The following TSC22D2 variants were observed in gnomAD, a reference collection of about 807,000 sequenced individuals.
The protein encoded by TSC22D2 is TSC22 domain family protein 2.
TSC22D2 carries 5 observed loss-of-function variants against 50.1 expected under a neutral mutation model. That is an observed-to-expected ratio of 0.10 (90% CI 0.05 to 0.21). The LOEUF is 0.21. Among genes scored for constraint, TSC22D2 ranks in the 10% least tolerant of loss-of-function variants. The probability of loss-of-function intolerance (pLI) is 1.00; values close to 1 mark genes in which losing one functional copy is unlikely to be tolerated. For synonymous variants in TSC22D2, 501 were observed against 450.1 expected (o/e 1.11, Z -1.43); for missense variants, 1,003 against 1,015.5 (o/e 0.99, Z 0.17).
rs370562378 is a variant in TSC22D2, at chr3:150,430,021, G to A, written c.1958+18713G>A. Among the ~76,000 whole-genome samples, 7 of 152,264 alleles carry A rather than the reference G, an allele frequency of 4.6e-5. No homozygotes were observed. The East Asian group carries it at 1.2e-3, about 25-fold the overall frequency. On this transcript the variant is annotated intron_variant, in intron 1 of 2. Coordinates refer to ENST00000688009, the MANE Select transcript of TSC22D2 (RefSeq NM_001303264.2). Reference sequence around the variant, plus strand: ...ATACTAGAAGAAACAATAAGATTTAGTAACTGCTTTCAGTGAGCTTGGTCT... The same window carrying A: ...ATACTAGAAGAAACAATAAGATTTAATAACTGCTTTCAGTGAGCTTGGTCT...
At chr3:150,413,815 TTA>T in intron 1 of TSC22D2, among the ~76,000 whole-genome samples, 1 of 152,206 alleles carries the variant, frequency 6.6e-6, no homozygotes, top group Admixed American at 6.5e-5. Context: ...TAATTGTGAT[TTA>T]AACTTTGCAA....
chr3:150,458,667 T>G lies in TSC22D2; in HGVS notation c.*31T>G. Reference sequence around the variant, plus strand: ...TCTTAAGCCTCATTAAGAAAAAAACTGAAAGCAATCTATCCTTGTGTGCCA... The same window carrying G: ...TCTTAAGCCTCATTAAGAAAAAAACGGAAAGCAATCTATCCTTGTGTGCCA... On this transcript the variant is annotated 3_prime_UTR_variant, in exon 3 of 3. Coordinates refer to ENST00000688009, the MANE Select transcript of TSC22D2 (RefSeq NM_001303264.2). The G allele has an allele frequency of 6.2e-7, 1 of 1,608,958 alleles. No individual in the cohort carries two copies.
At chr3:150,458,294 C>T (rs1721258739) in intron 2 of TSC22D2, 82 bp from the exon 3 acceptor site, 3 of 1,422,512 alleles carry the variant, frequency 2.1e-6, no homozygotes, top group Admixed American at 2.2e-5. Flanking sequence ...AGTATAAAAA[C>T]TTAGCACCAA....
At chr3:150,434,703 A>C (rs1720480138) in intron 1 of TSC22D2, among the ~76,000 whole-genome samples, 1 of 152,174 alleles carries the variant, frequency 6.6e-6, no homozygotes, top group Non-Finnish European at 1.5e-5. Flanking sequence ...AAGGTGTATT[A>C]ATGAAATTCT....
At position 150,410,685 on chromosome 3, in the gene TSC22D2, A is replaced by C. The variant is rs1288711853; in HGVS notation, c.1335A>C (p.Gln445His). 6.4e-7 allele frequency: 1 copy of C among 1,563,908 alleles called. No individual in the cohort carries two copies. The highest frequency in any genetic ancestry group is 1.2e-5 in the South Asian group (1 of 86,040). Residue 445 changes from glutamine (Q) to histidine (H), a missense_variant, in exon 1 of 3, where the codon CAA becomes CAC. By Grantham distance (24) the Gln-to-His change is conservative (BLOSUM62 0). Coordinates refer to ENST00000688009, the MANE Select transcript of TSC22D2 (RefSeq NM_001303264.2). The part of the protein sequence containing the change: ...EAMAPRTGPA[Q>H]GGQVAPCQPT... ...TGGCCCCCCGGACGGGACCAGCGCA[A>C]GGCGGGCAGGTCGCGCCTTGTCAGC...
At chr3:150,413,208 T>G (rs1359257920) in intron 1 of TSC22D2, among the ~76,000 whole-genome samples, 3 of 152,210 alleles carry the variant, frequency 2.0e-5, no homozygotes, top group East Asian at 3.8e-4. Context: ...CTTACTGTAT[T>G]AAGAGTTGGT....
chr3:150,456,149 A>G (rs1721179092), intron 1 of TSC22D2, among the ~76,000 whole-genome samples: 1 of 151,186 alleles, frequency 6.6e-6, no homozygotes, highest in African/African-American at 2.4e-5. Flanking sequence ...AGTCAAATAC[A>G]TGTAGGTCTG....
At chr3:150,419,671 G>T (rs1719940938) in intron 1 of TSC22D2, among the ~76,000 whole-genome samples, 1 of 152,186 alleles carries the variant, frequency 6.6e-6, no homozygotes, top group Admixed American at 6.5e-5. Context: ...ATAGTGTCTT[G>T]CAAAAACAGG....
At chr3:150,440,658 T>A (rs1482108498) in intron 1 of TSC22D2, among the ~76,000 whole-genome samples, 1 of 74,822 alleles carries the variant, frequency 1.3e-5, no homozygotes, top group African/African-American at 8.6e-5. Context: ...CCATTTGCCT[T>A]TAGTTGCGAA....
Position 150,409,207 on chromosome 3 carries a change from A to C in TSC22D2, c.-144A>C. The stretch of plus-strand genomic sequence containing the variant: ...TCACCGGGCGGCCAGCGCCTGGATC[A>C]GCCCGTGACTCTTAACAGCGGCGGG... On this transcript the variant is annotated 5_prime_UTR_variant, in exon 1 of 3. Coordinates refer to ENST00000688009, the MANE Select transcript of TSC22D2 (RefSeq NM_001303264.2). This position sits in a 1 kb window ranked among gnomAD's most constrained non-coding sequence, Gnocchi z 7.4. 3.4e-6 allele frequency: 3 copies of C among 893,470 alleles called. No homozygotes were observed. The highest frequency in any genetic ancestry group is 3.2e-6 in the Non-Finnish European group (2 of 620,074). The allele number at this position is 893,470 out of a possible 1,614,324, so 55.3% of individuals were successfully genotyped here.
In TSC22D2 at chr3:150,409,617, C is replaced by T. The variant is rs140643262; in HGVS notation, c.267C>T (p.Leu89=). The T allele has an allele frequency of 5.8e-4, 937 of 1,609,600 alleles. 1 individual carries two copies. Among genetic ancestry groups the T allele is most frequent in the Middle Eastern group, 9.9e-4 (6 of 6,078 alleles). The change falls in exon 1 of 3, where the codon CTC becomes CTT. Residue 89 remains leucine, a synonymous_variant. Coordinates refer to ENST00000688009, the MANE Select transcript of TSC22D2 (RefSeq NM_001303264.2). The surrounding 1 kb of genome is among the most constrained non-coding windows in gnomAD (Gnocchi z 7.4). The part of the protein sequence containing the change: ...ETPGTVSPNL[L]LDGQLAAAAA... ...CCGGGACCGTCTCCCCAAACCTCCTCCTAGATGGGCAGCTGGCAGCGGCGG... is the reference window on the plus strand; with the variant it reads ...CCGGGACCGTCTCCCCAAACCTCCTTCTAGATGGGCAGCTGGCAGCGGCGG...
At position 150,464,082 on chromosome 3, in the gene TSC22D2, G is replaced by C. The variant is rs1169900805; in HGVS notation, c.*5446G>C. The stretch of plus-strand genomic sequence containing the variant: ...TAAAAACAACTGAATTTTAAAACAA[G>C]GCAAATGCCACAGTTCAACTTCTCC... On this transcript the variant is annotated 3_prime_UTR_variant, in exon 3 of 3. Coordinates refer to ENST00000688009, the MANE Select transcript of TSC22D2 (RefSeq NM_001303264.2). 6.6e-6 allele frequency: 1 copy of C among 152,050 alleles called. No individual in the cohort carries two copies. The highest frequency in any genetic ancestry group is 2.4e-5 in the African/African-American group (1 of 41,388). 9.4% of individuals were successfully genotyped at this position (152,050 alleles called of 1,614,324 possible). A position where few individuals can be genotyped will look rare whatever the true frequency, so the allele number is the denominator to read the frequency against.
intron 1 of TSC22D2, among the ~76,000 whole-genome samples, chr3:150,426,507 C>G (rs554613694): frequency 6.6e-6 from 1 of 152,238 alleles, no homozygotes; most frequent in South Asian, 2.1e-4. Flanking sequence ...TTACCCTCTT[C>G]TAAATACCAG....
intron 1 of TSC22D2, among the ~76,000 whole-genome samples, chr3:150,414,110 AC>A: frequency 6.6e-6 from 1 of 152,258 alleles, no homozygotes. Context: ...ATATTATCAC[AC>A]CTTTAAAAGG....
At position 150,460,779 on chromosome 3, in the gene TSC22D2, TAGTC is replaced by T. The variant is rs1721373073; in HGVS notation, c.*2144_*2147del. The T allele has an allele frequency of 1.0e-5, 1 of 98,248 alleles. No individual in the cohort carries two copies. Among genetic ancestry groups the T allele is most frequent in the Non-Finnish European group, 2.5e-5 (1 of 40,148 alleles). 6.1% of individuals were successfully genotyped at this position (98,248 alleles called of 1,614,324 possible). A position where few individuals can be genotyped will look rare whatever the true frequency, so the allele number is the denominator to read the frequency against. On this transcript the variant is annotated 3_prime_UTR_variant, in exon 3 of 3. Coordinates refer to ENST00000688009, the MANE Select transcript of TSC22D2 (RefSeq NM_001303264.2). The stretch of plus-strand genomic sequence containing the variant: ...ATATTTAATACAGGTGGAGAAAAAC[TAGTC>T]TTAGAAATGGGATTTTTGTGAAAAT...
At position 150,409,452 on chromosome 3, in the gene TSC22D2, C is replaced by G. The variant is rs747307379; in HGVS notation, c.102C>G (p.Asp34Glu). ...TCACCGAGGACACCGAGAGCTTGGACGACCCGGACGAGTCACGCACAGAGG... is the reference window on the plus strand; with the variant it reads ...TCACCGAGGACACCGAGAGCTTGGAGGACCCGGACGAGTCACGCACAGAGG... ...TSITEDTESL[D>E]DPDESRTEDV... The change falls in exon 1 of 3, where the codon GAC (aspartate) becomes GAG (glutamate). Residue 34 changes from aspartate (D) to glutamate (E), a missense_variant. Physicochemically the swap from Asp to Glu is conservative, Grantham distance 45. This residue lies in a region of TSC22D2 where 200 missense variants were observed against 182.8 expected (regional missense o/e 1.09). Coordinates refer to ENST00000688009, the MANE Select transcript of TSC22D2 (RefSeq NM_001303264.2). The surrounding 1 kb of genome is among the most constrained non-coding windows in gnomAD (Gnocchi z 7.4). The G allele has an allele frequency of 1.9e-6, 3 of 1,613,368 alleles. No individual in the cohort carries two copies. Among genetic ancestry groups the G allele is most frequent in the Non-Finnish European group, 2.5e-6 (3 of 1,179,878 alleles).
At chr3:150,449,365 C>G (rs879618773) in intron 1 of TSC22D2, among the ~76,000 whole-genome samples, 1 of 152,106 alleles carries the variant, frequency 6.6e-6, no homozygotes, top group East Asian at 1.9e-4. Context: ...TAGAAGTACT[C>G]TTGCTTCTAT....
intron 2 of TSC22D2, among the ~76,000 whole-genome samples, chr3:150,457,983 A>G (rs1721242384): frequency 6.6e-6 from 1 of 152,198 alleles, no homozygotes; most frequent in African/African-American, 2.4e-5. Flanking sequence ...AAAGTCCAAA[A>G]TTACAGATCA....
At chr3:150,413,590 T>TA (rs200133245) in intron 1 of TSC22D2, among the ~76,000 whole-genome samples, 4,293 of 138,002 alleles carry the variant, frequency 0.031, 88 homozygotes, top group South Asian at 0.072. Context: ...AAGCTTTGGT[T>TA]AAAAAAAAAA....
Sources: gnomAD v4.1 joint callset for allele counts (sites outside exome capture counted in the v4.1 genomes callset) on GRCh38, gnomAD v4.1.1 for gene constraint, gnomAD v4.1.1 regional missense constraint, Gnocchi (gnomAD v3.1) non-coding constraint, MANE v1.5 for transcripts, NCBI Gene and HGNC (gene_info 2026-07-23, HGNC 2026-07-21) for gene names.